The following STAU2 variants were observed in gnomAD, a reference collection of about 807,000 sequenced individuals.
The protein encoded by STAU2 is double-stranded RNA-binding protein Staufen homolog 2.
STAU2 carries 20 observed loss-of-function variants against 65.9 expected under a neutral mutation model. The ratio of observed to expected loss-of-function variants is 0.30; its 90% confidence interval spans 0.21 to 0.44. The LOEUF (loss-of-function observed/expected upper bound fraction) is 0.44. Ranked by LOEUF, STAU2 falls within the 20% of genes least tolerant of loss-of-function variation. The pLI is 1.00. For synonymous variants in STAU2, 232 were observed against 233.9 expected, an observed-to-expected ratio of 0.99 and a Z score of 0.07; for missense variants, 558 against 683.9, an observed-to-expected ratio of 0.82 and a Z score of 2.05.
At chr8:73,584,784 T>C (rs1268635568) in intron 11 of STAU2, among the ~76,000 whole-genome samples, 1 of 152,150 alleles carries the variant, frequency 6.6e-6, no homozygotes, top group African/African-American at 2.4e-5. Context: ...ACGGCCAGGA[T>C]GGAAAGGACT....
chr8:73,713,363 A>G (rs990448741), intron 3 of STAU2, among the ~76,000 whole-genome samples: 4 of 152,186 alleles, frequency 2.6e-5, no homozygotes, highest in African/African-American at 9.7e-5. Flanking sequence ...ACAAGCTACA[A>G]AATAATGTAG....
chr8:73,585,930 C>T (rs1310872196), intron 11 of STAU2, among the ~76,000 whole-genome samples: 1 of 152,136 alleles, frequency 6.6e-6, no homozygotes, highest in Non-Finnish European at 1.5e-5. Context: ...AAGGGGTTTC[C>T]CCTTTTACTC....
At chr8:73,425,124 G>A (rs1329199116) in intron 13 of STAU2, among the ~76,000 whole-genome samples, 1 of 152,152 alleles carries the variant, frequency 6.6e-6, no homozygotes, top group Non-Finnish European at 1.5e-5. Context: ...GTCGAATTGT[G>A]CTCTTCCCCC....
chr8:73,574,746 G>A (rs2128957800), intron 12 of STAU2, among the ~76,000 whole-genome samples: 1 of 152,186 alleles, frequency 6.6e-6, no homozygotes, highest in South Asian at 2.1e-4. Context: ...ATCACACACT[G>A]GGGCCTGTCA....
intron 13 of STAU2, among the ~76,000 whole-genome samples, chr8:73,459,940 C>T (rs944064914): frequency 1.1e-4 from 16 of 152,178 alleles, no homozygotes; most frequent in African/African-American, 3.6e-4. Flanking sequence ...CAGCCCCAGC[C>T]GTGAATACAC....
intron 6 of STAU2, among the ~76,000 whole-genome samples, chr8:73,661,663 C>G (rs530705950): frequency 6.6e-6 from 1 of 152,334 alleles, no homozygotes; most frequent in South Asian, 2.1e-4. Flanking sequence ...TTCGCCTATT[C>G]TAGAATTCCA....
intron 13 of STAU2, among the ~76,000 whole-genome samples, chr8:73,475,516 AT>A (rs1820273255): frequency 6.6e-6 from 1 of 152,202 alleles, no homozygotes; most frequent in South Asian, 2.1e-4. Context: ...AGTGGATGCT[AT>A]TTTAGTAATA....
chr8:73,556,734 GC>G (rs1807804177), intron 12 of STAU2, among the ~76,000 whole-genome samples: 1 of 152,092 alleles, frequency 6.6e-6, no homozygotes, highest in Non-Finnish European at 1.5e-5. Flanking sequence ...TACAGCCCAG[GC>G]AACTGTCTCA....
intron 13 of STAU2, among the ~76,000 whole-genome samples, chr8:73,455,764 T>A (rs536913424): frequency 6.6e-5 from 10 of 152,360 alleles, no homozygotes; most frequent in East Asian, 5.8e-4. Flanking sequence ...TAGTTTTTTT[T>A]ATTTTTTTAT....
In STAU2 at chr8:73,552,041, C is replaced by A; in HGVS notation, c.1501G>T (p.Glu501Ter). The A allele has an allele frequency of 1.3e-6, 2 of 1,578,624 alleles. No homozygotes were observed. Among genetic ancestry groups the A allele is most frequent in the Non-Finnish European group, 8.6e-7 (1 of 1,163,226 alleles). The change falls in exon 13 of 15, where the codon GAA (glutamate) becomes TAA (stop). Residue 501 changes from glutamate to a stop codon, truncating the protein, a stop_gained. Transcript: ENST00000524300. LOFTEE classifies it high-confidence loss of function. ...AAGCCTTGAATCCTTGCTAAATATT[C>A]CAGTTGTTTTGAAGGTTGTACTGGA... ...CSPVQPSKQL[E>*]YLARIQGFQA...
rs189194146 is a variant in STAU2 at position 73,440,271 on chromosome 8, T to A, written c.1531-17569A>T. 184 of 152,354 alleles carry A rather than the reference T, an allele frequency of 1.2e-3. 1 individual carries two copies. Among genetic ancestry groups the A allele is most frequent in the African/African-American group, 3.9e-3 (164 of 41,572 alleles). The allele number at this position is 152,354 out of a possible 1,614,324, so 9.4% of individuals were successfully genotyped here. A position where few individuals can be genotyped will look rare whatever the true frequency, so the allele number is the denominator to read the frequency against. ...GGCTTAAATCCCTTAGAAATACTGA[T>A]AGCTCCAAATCCCTATCTTTAGCCT... On this transcript the variant is annotated intron_variant, in intron 13 of 14. Transcript: ENST00000524300.
intron 9 of STAU2, among the ~76,000 whole-genome samples, chr8:73,605,001 A>T (rs1426465189): frequency 2.0e-5 from 3 of 152,186 alleles, no homozygotes. Flanking sequence ...AGGAAAAAAA[A>T]ACTAGAATAT....
chr8:73,636,529 G>A (rs1255926245), intron 6 of STAU2, among the ~76,000 whole-genome samples: 4 of 152,060 alleles, frequency 2.6e-5, no homozygotes, highest in Non-Finnish European at 4.4e-5. Context: ...AAAAAAAACT[G>A]TAAGCAGAAA....
At chr8:73,456,098 C>G (rs1819044328) in intron 13 of STAU2, among the ~76,000 whole-genome samples, 1 of 152,224 alleles carries the variant, frequency 6.6e-6, no homozygotes, top group Non-Finnish European at 1.5e-5. Flanking sequence ...TCAGGCTCAG[C>G]AGTGAGACAA....
Position 73,595,078 on chromosome 8 carries a change from T to C in STAU2, c.1161+88A>G, listed in dbSNP as rs75621544. 835 of 1,182,522 alleles carry C rather than the reference T, an allele frequency of 7.1e-4. 5 individuals carry two copies. In the African/African-American group the frequency reaches 0.012, roughly 17 times the overall value. The allele number at this position is 1,182,522 out of a possible 1,614,324, so 73.3% of individuals were successfully genotyped here. A position where few individuals can be genotyped will look rare whatever the true frequency, so the allele number is the denominator to read the frequency against. ...TGCCTCAGAAAAGTTAAAATTGACA[T>C]TTACTTTAATATCAGTTAAGATCAA... On this transcript the variant is annotated intron_variant, in intron 11 of 14. Transcript: ENST00000524300.
At chr8:73,459,532 AC>A (rs1248241873) in intron 13 of STAU2, among the ~76,000 whole-genome samples, 1 of 152,080 alleles carries the variant, frequency 6.6e-6, no homozygotes, top group Non-Finnish European at 1.5e-5. Context: ...CTGCATTTTT[AC>A]CCTTCACCCT....
intron 4 of STAU2, among the ~76,000 whole-genome samples, chr8:73,696,337 T>A (rs1819692483): frequency 6.6e-6 from 1 of 152,134 alleles, no homozygotes; most frequent in African/African-American, 2.4e-5. Context: ...CCAACAAGTA[T>A]CTACAACCAT....
At position 73,420,620 on chromosome 8, in the gene STAU2, T is replaced by G. The variant is rs1278351305; in HGVS notation, c.*752A>C. On this transcript the variant is annotated 3_prime_UTR_variant, in exon 15 of 15. Transcript: ENST00000524300. Reference sequence around the variant, plus strand: ...GCGATTCCCACAACAGGGAGTGGAATCCGGGAAGATGATATATAGGGGCAA... The same window carrying G: ...GCGATTCCCACAACAGGGAGTGGAAGCCGGGAAGATGATATATAGGGGCAA... The G allele has an allele frequency of 5.8e-6, 1 of 172,556 alleles. No individual in the cohort carries two copies. The highest frequency in any genetic ancestry group is 1.3e-5 in the Non-Finnish European group (1 of 79,350). 10.7% of individuals were successfully genotyped at this position (172,556 alleles called of 1,614,324 possible).
chr8:73,701,748 A>G (rs1820117855), intron 4 of STAU2, among the ~76,000 whole-genome samples: 2 of 149,846 alleles, frequency 1.3e-5, no homozygotes, highest in African/African-American at 4.9e-5. Flanking sequence ...CCAAAAGAAA[A>G]GAAATCAGTA....
Sources: gnomAD v4.1 joint callset for allele counts (sites outside exome capture counted in the v4.1 genomes callset) on GRCh38, gnomAD v4.1.1 for gene constraint, MANE v1.5 for transcripts, NCBI Gene and HGNC (gene_info 2026-07-23, HGNC 2026-07-21) for gene names.